HIVEP1: variants seen among roughly 807,000 people sequenced by gnomAD.
HIVEP1 encodes HIVEP zinc finger 1.
A neutral mutation model predicts 180.0 loss-of-function variants in HIVEP1; 36 were observed. The ratio of observed to expected loss-of-function variants is 0.20; its 90% CI spans 0.15 to 0.26. The LOEUF is 0.26. Ranked by LOEUF, HIVEP1 falls within the 10% of genes least tolerant of loss-of-function variation. HIVEP1 has a pLI of 1.00. For synonymous variants in HIVEP1, 1,239 were observed against 1,239.0 expected (o/e 1.00, Z 0.00); for missense variants, 3,143 against 3,268.7 (o/e 0.96, Z 0.94).
the HIVEP1 span, among the ~76,000 whole-genome samples, chr6:12,205,200 G>T: frequency 3.9e-5 from 6 of 152,050 alleles, no homozygotes; most frequent in Admixed American, 1.3e-4. Flanking sequence ...GGCTGGGCGC[G>T]GTGGCTCATG....
the HIVEP1 span, among the ~76,000 whole-genome samples, chr6:12,199,360 C>CTTTTTTTT: frequency 8.2e-5 from 9 of 109,428 alleles, no homozygotes; most frequent in Admixed American, 1.1e-4. Context: ...ACTGTCAATC[C>CTTTTTTTT]TTTTTTTTTT....
At chr6:12,128,833 G>T (rs982692454) in intron 4 of HIVEP1, among the ~76,000 whole-genome samples, 3 of 152,064 alleles carry the variant, frequency 2.0e-5, no homozygotes, top group African/African-American at 7.2e-5. Context: ...AGACTTAATT[G>T]TTACCAAGCC....
In HIVEP1 at chr6:12,122,717, T is replaced by C. The variant is rs759011639; in HGVS notation, c.2922T>C (p.Phe974=). ...ACAGGTATAGGAAACTGGAAAATTT[T>C]GAAAATCATAAGAAATTTTACTGTT... The part of the protein sequence containing the change: ...CRNRYRKLEN[F]ENHKKFYCSE... The change falls in exon 4 of 9, where the codon TTT becomes TTC. Residue 974 remains phenylalanine (F), a synonymous_variant. Transcript: ENST00000379388. 3 of 1,613,942 alleles carry C rather than the reference T, an allele frequency of 1.9e-6. No homozygotes were observed. The highest frequency in any genetic ancestry group is 2.5e-6 in the Non-Finnish European group (3 of 1,179,970).
In HIVEP1 at chr6:12,123,456, G is replaced by A; in HGVS notation, c.3661G>A (p.Gly1221Arg). 6.2e-7 allele frequency: 1 copy of A among 1,614,178 alleles called. No homozygotes were observed. The highest frequency in any genetic ancestry group is 2.2e-5 in the East Asian group (1 of 44,882). The change falls in exon 4 of 9, where the codon GGA (glycine) becomes AGA (arginine). Residue 1221 changes from glycine (G) to arginine (R), a missense_variant. By Grantham distance (125) the Gly-to-Arg change is moderately radical. Coordinates refer to ENST00000379388, the MANE Select transcript of HIVEP1 (RefSeq NM_002114.4). Reference sequence around the variant, plus strand: ...GAGTCCAAGTGAACGACATGTGTTAGGACAGCCCTCAAGACTTGTCCGGCA... The same window carrying A: ...GAGTCCAAGTGAACGACATGTGTTAAGACAGCCCTCAAGACTTGTCCGGCA... ...RKSPSERHVL[G>R]QPSRLVRQHN...
Position 12,130,756 on chromosome 6 carries a change from C to G in HIVEP1, c.6210-11C>G. ...TCCAATCTCCCTATTCATTTTTTTTCTTTAAATTAGATATAAGTCAAATGA... is the reference window on the plus strand; with the variant it reads ...TCCAATCTCCCTATTCATTTTTTTTGTTTAAATTAGATATAAGTCAAATGA... On this transcript the variant is annotated splice_polypyrimidine_tract_variant and intron_variant, in intron 5 of 8. Coordinates refer to ENST00000379388, the MANE Select transcript of HIVEP1 (RefSeq NM_002114.4). 1 of 1,497,996 alleles carries G rather than the reference C, an allele frequency of 6.7e-7. No homozygotes were observed. Among genetic ancestry groups the G allele is most frequent in the Non-Finnish European group, 9.1e-7 (1 of 1,098,172 alleles). 92.8% of individuals were successfully genotyped at this position (1,497,996 alleles called of 1,614,324 possible).
the HIVEP1 span, among the ~76,000 whole-genome samples, chr6:12,174,890 T>C: frequency 4.1e-4 from 30 of 72,306 alleles, no homozygotes; most frequent in African/African-American, 8.7e-4. Flanking sequence ...TGTAATGTAA[T>C]TTAAGTGATT....
chr6:12,111,856 C>G (rs189275765), intron 3 of HIVEP1, among the ~76,000 whole-genome samples: 1 of 152,334 alleles, frequency 6.6e-6, no homozygotes, highest in African/African-American at 2.4e-5. Flanking sequence ...CATTCAGAAA[C>G]ATTTACAGGT....
intron 7 of HIVEP1, among the ~76,000 whole-genome samples, chr6:12,140,639 T>C (rs1400171681): frequency 2.0e-5 from 3 of 152,126 alleles, no homozygotes; most frequent in East Asian, 1.9e-4. Flanking sequence ...CTTAGACAAA[T>C]GGCTAACTAG....
At chr6:12,030,285 T>G (rs558495142) in intron 2 of HIVEP1, among the ~76,000 whole-genome samples, 71 of 152,314 alleles carry the variant, frequency 4.7e-4, no homozygotes, top group Admixed American at 1.6e-3. Context: ...GTTTATCTTA[T>G]TTGGAATTTT....
upstream of HIVEP1, among the ~76,000 whole-genome samples, chr6:12,009,659 G>A (rs1037510298): frequency 1.3e-5 from 2 of 152,190 alleles, no homozygotes; most frequent in Non-Finnish European, 2.9e-5. Context: ...GCCTAAAGAA[G>A]CTACTTTATA....
At chr6:12,022,833 T>A (rs577818492) in intron 2 of HIVEP1, among the ~76,000 whole-genome samples, 1 of 152,354 alleles carries the variant, frequency 6.6e-6, no homozygotes, top group South Asian at 2.1e-4. Flanking sequence ...TTGTTCTGAC[T>A]ATTCAAAGGT....
chr6:12,070,246 T>C (rs1223589977), intron 2 of HIVEP1, among the ~76,000 whole-genome samples: 1 of 152,254 alleles, frequency 6.6e-6, no homozygotes, highest in Non-Finnish European at 1.5e-5. Context: ...TTTACTATCA[T>C]TATCAAGCAT....
the HIVEP1 span, among the ~76,000 whole-genome samples, chr6:12,206,494 G>A: frequency 5.3e-4 from 81 of 152,242 alleles, no homozygotes; most frequent in African/African-American, 1.9e-3. Flanking sequence ...AAGAGAGAGA[G>A]AATGCCACAT....
the HIVEP1 span, among the ~76,000 whole-genome samples, chr6:12,170,255 C>T: frequency 6.6e-6 from 1 of 151,758 alleles, no homozygotes; most frequent in African/African-American, 2.4e-5. Flanking sequence ...GAAGGTACCA[C>T]CGAGTCCAGC....
intron 1 of HIVEP1, among the ~76,000 whole-genome samples, chr6:12,014,360 A>C (rs1374922239): frequency 6.6e-6 from 1 of 152,230 alleles, no homozygotes; most frequent in Non-Finnish European, 1.5e-5. Context: ...TATCTTGGAC[A>C]AGTTACTTAT....
In HIVEP1 at chr6:12,089,174, T is replaced by G; in HGVS notation, c.41-10T>G. ...AAATTAATTTATAAATTTTTCTCTG[T>G]TTTTCTTAGACAAAATTGAAGAAGC... On this transcript the variant is annotated splice_polypyrimidine_tract_variant and intron_variant, in intron 2 of 8. Coordinates refer to ENST00000379388, the MANE Select transcript of HIVEP1 (RefSeq NM_002114.4). The G allele has an allele frequency of 6.7e-7, 1 of 1,481,524 alleles. No individual in the cohort carries two copies. Among genetic ancestry groups the G allele is most frequent in the Middle Eastern group, 1.8e-4 (1 of 5,660 alleles). The allele number at this position is 1,481,524 out of a possible 1,614,324, so 91.8% of individuals were successfully genotyped here. A position where few individuals can be genotyped will look rare whatever the true frequency, so the allele number is the denominator to read the frequency against.
chr6:12,198,941 C>G, the HIVEP1 span, among the ~76,000 whole-genome samples: 2 of 152,120 alleles, frequency 1.3e-5, no homozygotes, highest in Non-Finnish European at 2.9e-5. Flanking sequence ...CGCAAGAAGA[C>G]CAATTAAGAA....
At chr6:12,027,356 G>A (rs959716379) in intron 2 of HIVEP1, among the ~76,000 whole-genome samples, 3 of 152,212 alleles carry the variant, frequency 2.0e-5, no homozygotes, top group African/African-American at 4.8e-5. Context: ...TTGGGAAGAA[G>A]TCCACTTACT....
rs1046620235 is a variant in HIVEP1, at chr6:12,069,447, T to G, written c.41-19737T>G. Among the ~76,000 whole-genome samples, 3 of 151,944 alleles carry G rather than the reference T, an allele frequency of 2.0e-5. No individual in the cohort carries two copies. The East Asian group carries it at 5.8e-4, about 29-fold the overall frequency. On this transcript the variant is annotated intron_variant, in intron 2 of 8. Coordinates refer to ENST00000379388, the MANE Select transcript of HIVEP1 (RefSeq NM_002114.4). Reference sequence around the variant, plus strand: ...TACTGTAGACTTTATAAATGCTGTATACTTAGGATATACTCAATTTTTTAA... The same window carrying G: ...TACTGTAGACTTTATAAATGCTGTAGACTTAGGATATACTCAATTTTTTAA...
Sources: gnomAD v4.1 joint callset for allele counts (sites outside exome capture counted in the v4.1 genomes callset) on GRCh38, gnomAD v4.1.1 for gene constraint, MANE v1.5 for transcripts, NCBI Gene and HGNC (gene_info 2026-07-23, HGNC 2026-07-21) for gene names.